ASIP: variants seen among roughly 807,000 people sequenced by gnomAD.
The protein encoded by ASIP is agouti signaling protein, also known as agouti-signaling protein.
Under a neutral mutation model 10.3 loss-of-function variants are expected in ASIP, and 11 were observed. That is an observed-to-expected ratio of 1.07 (90% confidence interval 0.68 to 1.78). The LOEUF is 1.78. Ranked by LOEUF, ASIP falls within the 40% of genes most tolerant of loss-of-function variation. ASIP has a pLI of 0.00. For synonymous variants in ASIP, 70 were observed against 70.8 expected (o/e 0.99, Z 0.06); for missense variants, 180 against 169.2 (o/e 1.06, Z -0.35).
intron 1 of ASIP, among the ~76,000 whole-genome samples, chr20:34,250,870 A>T (rs1446104960): frequency 1.3e-5 from 2 of 152,100 alleles, no homozygotes; most frequent in African/African-American, 4.8e-5. Context: ...AAGGATTAAG[A>T]TACAATACTC....
At chr20:34,267,468 A>G (rs938486935) in intron 3 of ASIP, among the ~76,000 whole-genome samples, 34 of 151,080 alleles carry the variant, frequency 2.3e-4, no homozygotes, top group Non-Finnish European at 4.4e-4. Context: ...TCAAAAAAAA[A>G]AAAAAAAAAA....
intron 1 of ASIP, among the ~76,000 whole-genome samples, chr20:34,251,631 G>C (rs1474794033): frequency 6.6e-6 from 1 of 152,150 alleles, no homozygotes; most frequent in Non-Finnish European, 1.5e-5. Flanking sequence ...GCAAGAATTG[G>C]AAATGAGGAA....
intron 1 of ASIP, among the ~76,000 whole-genome samples, chr20:34,234,305 C>G (rs1468910977): frequency 2.0e-5 from 3 of 152,094 alleles, no homozygotes; most frequent in African/African-American, 7.2e-5. Context: ...CAGACAAGAC[C>G]ACTAGTGCCT....
chr20:34,245,303 G>A (rs1345990331), intron 1 of ASIP, among the ~76,000 whole-genome samples: 4 of 143,018 alleles, frequency 2.8e-5, no homozygotes, highest in Non-Finnish European at 4.6e-5. Context: ...CATTGCACTC[G>A]AGCCTGGGCG....
In ASIP at chr20:34,262,874, A is replaced by C; in HGVS notation, c.203A>C (p.Glu68Ala). ...AAACAGATCGGCAGAAAAGCAGCAG[A>C]AAAGAAAAGATCTTCTAAGGTAAGG... The part of the protein sequence containing the change: ...KSKQIGRKAA[E>A]KKRSSKKEAS... The change falls in exon 3 of 4, where the codon GAA becomes GCA. Residue 68 changes from glutamate to alanine, a missense_variant. By Grantham distance (107) the Glu-to-Ala change is moderately radical. Coordinates refer to ENST00000374954, the MANE Select transcript of ASIP (RefSeq NM_001672.3). 1 of 1,614,100 alleles carries C rather than the reference A, an allele frequency of 6.2e-7. No individual in the cohort carries two copies. The highest frequency in any genetic ancestry group is 8.5e-7 in the Non-Finnish European group (1 of 1,179,964).
At chr20:34,254,796 C>A (rs1174976902) in intron 1 of ASIP, among the ~76,000 whole-genome samples, 1 of 152,158 alleles carries the variant, frequency 6.6e-6, no homozygotes, top group Non-Finnish European at 1.5e-5. Context: ...ACATTATGGA[C>A]CTGTATTACA....
At chr20:34,258,743 T>C (rs1315715232) in intron 1 of ASIP, among the ~76,000 whole-genome samples, 2 of 82,968 alleles carry the variant, frequency 2.4e-5, no homozygotes, top group East Asian at 6.9e-4. Flanking sequence ...AGTATATATA[T>C]ACTATATATA....
chr20:34,221,533 G>A (rs1317992539), intron 1 of ASIP, among the ~76,000 whole-genome samples: 20 of 152,144 alleles, frequency 1.3e-4, no homozygotes, highest in Non-Finnish European at 8.8e-5. Flanking sequence ...GGATACGTAT[G>A]TGGGCAATAA....
intron 1 of ASIP, among the ~76,000 whole-genome samples, chr20:34,207,946 C>G (rs1046889534): frequency 6.6e-6 from 1 of 151,956 alleles, no homozygotes; most frequent in Non-Finnish European, 1.5e-5. Context: ...CCCACCACCA[C>G]GCCTGGCTGA....
At chr20:34,261,311 C>T (rs938372010) in intron 2 of ASIP, among the ~76,000 whole-genome samples, 2 of 151,960 alleles carry the variant, frequency 1.3e-5, no homozygotes, top group Admixed American at 6.6e-5. Context: ...CCAGACTGAG[C>T]GACATAGGGA....
chr20:34,194,850 T>C (rs2034844792), intron 1 of ASIP: 2 of 152,250 alleles, frequency 1.3e-5, no homozygotes, highest in Admixed American at 6.5e-5. Flanking sequence ...GTAATATATC[T>C]ATGGGCTTGA....
At chr20:34,251,877 T>A (rs916236402) in intron 1 of ASIP, among the ~76,000 whole-genome samples, 3 of 152,174 alleles carry the variant, frequency 2.0e-5, no homozygotes, top group South Asian at 2.1e-4. Flanking sequence ...AGATATCGAA[T>A]CTGCCTGCAC....
At chr20:34,194,139 A>G (rs1165111421), upstream of ASIP, among the ~76,000 whole-genome samples, 1 of 152,212 alleles carries the variant, frequency 6.6e-6, no homozygotes, top group Non-Finnish European at 1.5e-5. Flanking sequence ...ATTATTTTTG[A>G]TAGTGGCTGC....
chr20:34,213,959 T>G (rs2122552174), intron 1 of ASIP: 1 of 1,576,438 alleles, frequency 6.3e-7, no homozygotes, highest in Non-Finnish European at 8.6e-7. Flanking sequence ...TGTGCCAGCA[T>G]CAAATTTTCT....
At chr20:34,245,500 G>C (rs2035358361) in intron 1 of ASIP, among the ~76,000 whole-genome samples, 1 of 151,244 alleles carries the variant, frequency 6.6e-6, no homozygotes, top group African/African-American at 2.4e-5. Flanking sequence ...CGATTCTCAG[G>C]CCTCAGCCTC....
intron 1 of ASIP, among the ~76,000 whole-genome samples, chr20:34,252,491 G>A (rs2122635978): frequency 1.3e-5 from 2 of 152,312 alleles, no homozygotes; most frequent in South Asian, 4.1e-4. Context: ...TAACAGAGCA[G>A]TATTGTTGTC....
intron 1 of ASIP, among the ~76,000 whole-genome samples, chr20:34,216,908 T>C (rs1279836659): frequency 2.0e-5 from 3 of 152,228 alleles, no homozygotes; most frequent in African/African-American, 7.2e-5. Flanking sequence ...TAGAACCATG[T>C]TGTCAATTTC....
rs142109091 is a variant in ASIP, at chr20:34,246,340, A to G, written c.-11+4851A>G. On this transcript the variant is annotated intron_variant, in intron 1 of 3. Coordinates refer to ENST00000374954, the MANE Select transcript of ASIP (RefSeq NM_001672.3). ...CTTGTTTGGGTGAATTTTCTACAGT[A>G]AATTTTGCAAGTTCATTTAGAAAAT... 1.4e-4 allele frequency: 209 copies of G among 1,541,912 alleles called. 3 individuals carry two copies. The highest frequency in any genetic ancestry group is 1.3e-3 in the South Asian group (112 of 83,836).
upstream of ASIP, among the ~76,000 whole-genome samples, chr20:34,189,748 A>G (rs953564761): frequency 7.2e-5 from 11 of 152,198 alleles, no homozygotes; most frequent in Non-Finnish European, 2.9e-5. Context: ...CATTGCATTT[A>G]TCTCTGCCTT....
Sources: allele counts gnomAD v4.1 joint callset (sites outside exome capture counted in the v4.1 genomes callset), GRCh38; gene constraint gnomAD v4.1.1; transcripts MANE v1.5; gene names NCBI Gene and HGNC (gene_info 2026-07-23, HGNC 2026-07-21).